The following SDK1 variants were observed in gnomAD, a reference collection of about 807,000 sequenced individuals.
SDK1 encodes sidekick cell adhesion molecule 1, also known as protein sidekick-1.
Under a neutral mutation model 245.5 loss-of-function variants are expected in SDK1, and 157 were observed. That is an observed-to-expected ratio of 0.64 (90% CI 0.56 to 0.73). SDK1 has a LOEUF of 0.73. Ranked by LOEUF, SDK1 falls within the 30% of genes least tolerant of loss-of-function variation. The pLI is 0.00. For missense variants in SDK1, 3,583 were observed against 3,002.3 expected, an observed-to-expected ratio of 1.19 and a Z score of -4.52; for synonymous variants, 1,647 against 1,278.5, an observed-to-expected ratio of 1.29 and a Z score of -6.15.
At position 4,246,604 on chromosome 7, in the gene SDK1, C is replaced by G. The variant is rs1389573045; in HGVS notation, c.6381+799C>G. On this transcript the variant is annotated intron_variant, in intron 44 of 44. Coordinates refer to ENST00000404826, the MANE Select transcript of SDK1 (RefSeq NM_152744.4). ...ACACCCTGCCAGCCTCCCACCCTGC[C>G]CAGGAAGCTTCTGTCCTAGCTCCCT... is the stretch of plus-strand genomic sequence containing the variant. 2.6e-5 allele frequency among the ~76,000 whole-genome samples: 4 copies of G among 152,234 alleles called. No individual in the cohort carries two copies. The Middle Eastern group carries it at 0.01, about 388-fold the overall frequency.
intron 44 of SDK1, among the ~76,000 whole-genome samples, chr7:4,263,486 C>T (rs73671408): frequency 0.019 from 2,659 of 137,620 alleles, 84 homozygotes; most frequent in African/African-American, 0.06. Flanking sequence ...CCGCGTAGAT[C>T]TCTCCTGAGT....
At chr7:3,802,276 C>A (rs935147493) in intron 4 of SDK1, among the ~76,000 whole-genome samples, 1 of 152,176 alleles carries the variant, frequency 6.6e-6, no homozygotes, top group Non-Finnish European at 1.5e-5. Context: ...GTAATCCCAG[C>A]ACTTTGGGAG....
chr7:4,063,523 C>T (rs1013346836), intron 19 of SDK1, among the ~76,000 whole-genome samples: 1 of 151,250 alleles, frequency 6.6e-6, no homozygotes, highest in Non-Finnish European at 1.5e-5. Flanking sequence ...ATTAAAATGA[C>T]CATACTCCCC....
At position 3,969,392 on chromosome 7, in the gene SDK1, C is replaced by A. The variant is rs763803540; in HGVS notation, c.1682C>A (p.Ser561Tyr). ...TGCTATGCGGCCAACACAGAGGGCT[C>A]CCTGAATGCATCGGCCACGCTCACT... ...YTCYAANTEG[S>Y]LNASATLTVW... is the part of the protein sequence containing the mutation. Residue 561 changes from serine (S) to tyrosine (Y), a missense_variant, in exon 11 of 45, where the codon TCC becomes TAC. Coordinates refer to ENST00000404826, the MANE Select transcript of SDK1 (RefSeq NM_152744.4). The A allele has an allele frequency of 6.2e-7, 1 of 1,605,838 alleles. No homozygotes were observed. Among genetic ancestry groups the A allele is most frequent in the Non-Finnish European group, 8.5e-7 (1 of 1,176,162 alleles).
At chr7:3,931,906 T>C (rs1326643815) in intron 5 of SDK1, among the ~76,000 whole-genome samples, 3 of 152,166 alleles carry the variant, frequency 2.0e-5, no homozygotes, top group African/African-American at 7.2e-5. Flanking sequence ...TACTTTTGGA[T>C]TTTCTATAAA....
chr7:3,674,557 AAG>A (rs1413418823), intron 4 of SDK1, among the ~76,000 whole-genome samples: 1 of 152,312 alleles, frequency 6.6e-6, no homozygotes, highest in African/African-American at 2.4e-5. Context: ...AGTGTGGAGT[AAG>A]AGCTGTTCAT....
At chr7:3,852,298 C>G (rs1381014350) in intron 5 of SDK1, among the ~76,000 whole-genome samples, 1 of 151,714 alleles carries the variant, frequency 6.6e-6, no homozygotes, top group Non-Finnish European at 1.5e-5. Flanking sequence ...ACGGATGGCA[C>G]CAGGCCTTTG....
At chr7:3,834,107 G>A (rs1396729471) in intron 5 of SDK1, among the ~76,000 whole-genome samples, 1 of 152,194 alleles carries the variant, frequency 6.6e-6, no homozygotes, top group South Asian at 2.1e-4. Context: ...TGTCTATGTA[G>A]AAGAACCAAG....
intron 1 of SDK1, among the ~76,000 whole-genome samples, chr7:3,353,927 C>G (rs191552261): frequency 1.3e-5 from 2 of 151,988 alleles, no homozygotes; most frequent in East Asian, 3.9e-4. Flanking sequence ...ACGTAACTGA[C>G]TTGCTCAGGG....
chr7:3,979,560 T>C (rs74618568), intron 13 of SDK1, among the ~76,000 whole-genome samples: 151 of 152,250 alleles, frequency 9.9e-4, no homozygotes, highest in African/African-American at 3.6e-3. Context: ...ACGGTGTCTT[T>C]TGCCCTACTG....
intron 1 of SDK1, among the ~76,000 whole-genome samples, chr7:3,445,864 C>T (rs1361457042): frequency 2.0e-5 from 3 of 151,888 alleles, no homozygotes; most frequent in Non-Finnish European, 4.4e-5. Context: ...CCTTCCTTTC[C>T]TTCCTGATGT....
chr7:4,248,050 C>G (rs1448431830), intron 44 of SDK1, among the ~76,000 whole-genome samples: 1 of 152,168 alleles, frequency 6.6e-6, no homozygotes, highest in Non-Finnish European at 1.5e-5. Context: ...GTTTCTCCCC[C>G]CAACATATGT....
At chr7:3,596,080 G>C (rs1034942413) in intron 1 of SDK1, among the ~76,000 whole-genome samples, 1 of 151,734 alleles carries the variant, frequency 6.6e-6, no homozygotes, top group Admixed American at 6.6e-5. Context: ...AGGTAGCACA[G>C]ATTAATTATC....
At chr7:4,151,367 G>T (rs925111962) in intron 30 of SDK1, among the ~76,000 whole-genome samples, 2 of 152,192 alleles carry the variant, frequency 1.3e-5, no homozygotes, top group African/African-American at 4.8e-5. Flanking sequence ...TGGTCCCTGC[G>T]CACGGGGCTT....
At chr7:4,039,868 G>A (rs6462548) in intron 17 of SDK1, among the ~76,000 whole-genome samples, 47,695 of 152,024 alleles carry the variant, frequency 0.31, 11,714 homozygotes, top group African/African-American at 0.69. Context: ...AATCATTTTT[G>A]TTTTAATAAG....
At chr7:3,672,757 TTTTATATATATA>T (rs1480559204) in intron 4 of SDK1, among the ~76,000 whole-genome samples, 10 of 24,470 alleles carry the variant, frequency 4.1e-4, no homozygotes, top group African/African-American at 2.5e-3. Flanking sequence ...TAATATATAA[TTTTATATATATA>T]TATATATATA....
At chr7:3,611,603 G>A (rs551993784) in intron 1 of SDK1, among the ~76,000 whole-genome samples, 1 of 152,124 alleles carries the variant, frequency 6.6e-6, no homozygotes, top group South Asian at 2.1e-4. Context: ...TCTACTTTCA[G>A]TTCTTTAGGG....
At chr7:3,981,221 C>T (rs1364421345) in intron 13 of SDK1, among the ~76,000 whole-genome samples, 1 of 152,134 alleles carries the variant, frequency 6.6e-6, no homozygotes, top group East Asian at 1.9e-4. Flanking sequence ...TTGAATGTTA[C>T]TATTGTAATT....
intron 7 of SDK1, among the ~76,000 whole-genome samples, chr7:3,953,464 G>C (rs1302340279): frequency 2.6e-5 from 4 of 152,212 alleles, no homozygotes; most frequent in Non-Finnish European, 4.4e-5. Context: ...TTCCGCTACA[G>C]ATGTAAATAT....
Sources: allele counts gnomAD v4.1 joint callset (sites outside exome capture counted in the v4.1 genomes callset), GRCh38; gene constraint gnomAD v4.1.1; transcripts MANE v1.5; gene names NCBI Gene and HGNC (gene_info 2026-07-23, HGNC 2026-07-21).